CSMD1: variants seen among roughly 807,000 people sequenced by gnomAD.
CSMD1 encodes CUB and sushi domain-containing protein 1.
Under a neutral mutation model 417.5 loss-of-function variants are expected in CSMD1, and 213 were observed. The ratio of observed to expected loss-of-function variants is 0.51; its 90% CI spans 0.46 to 0.57. CSMD1 has a LOEUF of 0.57. Among genes scored for constraint, CSMD1 ranks in the 20% least tolerant of loss-of-function variants. The pLI is 0.00. For missense variants in CSMD1, 6,923 were observed against 4,529.7 expected (o/e 1.53, Z -15.17); for synonymous variants, 2,862 against 1,736.8 (o/e 1.65, Z -16.11).
Position 3,912,945 on chromosome 8 carries a change from G to C in CSMD1, c.818+84958C>G, listed in dbSNP as rs370498636. Among the ~76,000 whole-genome samples, 9 of 152,146 alleles carry C rather than the reference G, an allele frequency of 5.9e-5. No individual in the cohort carries two copies. In the East Asian group the frequency reaches 1.2e-3, roughly 20 times the overall value. ...ATTCAGGTAAGAGAACACAGGGTGT[G>C]AACATGGATTGAGAGGAGTAACCAA... On this transcript the variant is annotated intron_variant, in intron 5 of 69. Transcript: ENST00000635120.
At chr8:3,092,724 A>C (rs770738249) in intron 47 of CSMD1, among the ~76,000 whole-genome samples, 15 of 152,252 alleles carry the variant, frequency 9.9e-5, no homozygotes, top group Admixed American at 6.5e-4. Flanking sequence ...CATTGCCCTC[A>C]TCACCATAAC....
intron 2 of CSMD1, among the ~76,000 whole-genome samples, chr8:4,433,545 T>C (rs1707044805): frequency 6.6e-6 from 1 of 152,148 alleles, no homozygotes; most frequent in African/African-American, 2.4e-5. Flanking sequence ...AAGAAAAACC[T>C]TGTGGAAGCA....
At chr8:3,167,291 G>GAAAAGAAA (rs547453018) in intron 37 of CSMD1, among the ~76,000 whole-genome samples, 5 of 102,638 alleles carry the variant, frequency 4.9e-5, no homozygotes, top group African/African-American at 7.0e-5. Flanking sequence ...CTTGGAAAAA[G>GAAAAGAAA]AAAAAAAAAA....
At chr8:4,119,174 G>C (rs1472909367) in intron 3 of CSMD1, among the ~76,000 whole-genome samples, 2 of 152,042 alleles carry the variant, frequency 1.3e-5, no homozygotes, top group African/African-American at 4.8e-5. Context: ...GGTTTGATAG[G>C]TGCAGCAAAC....
intron 1 of CSMD1, among the ~76,000 whole-genome samples, chr8:4,940,873 T>C (rs1246533086): frequency 6.6e-6 from 1 of 152,232 alleles, no homozygotes; most frequent in Non-Finnish European, 1.5e-5. Context: ...AATTGTTTTT[T>C]CTTCAGGTAA....
intron 5 of CSMD1, among the ~76,000 whole-genome samples, chr8:3,866,051 A>G (rs1805079468): frequency 7.8e-6 from 1 of 128,360 alleles, no homozygotes; most frequent in Non-Finnish European, 1.8e-5. Flanking sequence ...CTTAAAAAGA[A>G]CAAGTAAAAT....
chr8:3,698,294 A>AT (rs1220565333), intron 7 of CSMD1, among the ~76,000 whole-genome samples: 11 of 152,184 alleles, frequency 7.2e-5, no homozygotes, highest in Admixed American at 7.2e-4. Context: ...AATCTACTAC[A>AT]TTTGTTTTAT....
rs773284240 is a variant in CSMD1 at position 4,637,515 on chromosome 8, A to T, written c.129T>A (p.Ile43=). The T allele has an allele frequency of 1.2e-6, 2 of 1,613,896 alleles. No individual in the cohort carries two copies. Among genetic ancestry groups the T allele is most frequent in the Admixed American group, 1.7e-5 (1 of 60,018 alleles). The part of the protein sequence containing the change: ...GGLVQGPNGT[I]ESPGFPHGYP... ...ACCCGTGAGGAAACCCTGGGCTCTC[A>T]ATAGTGCCATTGGGACCCTGGACTA... The change falls in exon 2 of 70, where the codon ATT becomes ATA. Residue 43 remains isoleucine (I), a synonymous_variant. Coordinates refer to ENST00000635120, the MANE Select transcript of CSMD1 (RefSeq NM_033225.6).
intron 37 of CSMD1, among the ~76,000 whole-genome samples, chr8:3,179,904 G>A (rs1821208899): frequency 6.6e-6 from 1 of 152,098 alleles, no homozygotes; most frequent in South Asian, 2.1e-4. Context: ...TAATAAGCAG[G>A]AAAATTTAAC....
chr8:4,639,011 G>A (rs1374722139), intron 1 of CSMD1, among the ~76,000 whole-genome samples: 1 of 152,130 alleles, frequency 6.6e-6, no homozygotes, highest in Non-Finnish European at 1.5e-5. Context: ...TGAAAGAACA[G>A]CTCTGGGAGA....
At chr8:4,239,375 C>T (rs1372296808) in intron 3 of CSMD1, among the ~76,000 whole-genome samples, 1 of 152,162 alleles carries the variant, frequency 6.6e-6, no homozygotes, top group Non-Finnish European at 1.5e-5. Context: ...GCTGTTTTCT[C>T]ATTTGGCCAT....
intron 6 of CSMD1, among the ~76,000 whole-genome samples, chr8:3,713,556 T>G (rs2129041904): frequency 6.6e-6 from 1 of 152,240 alleles, no homozygotes; most frequent in Admixed American, 6.5e-5. Flanking sequence ...TCCACTGAAC[T>G]TCCAAGACCT....
rs7831577 is a variant in CSMD1 at position 4,985,066 on chromosome 8, G to T, written c.85+9266C>A. Among the ~76,000 whole-genome samples the T allele has an allele frequency of 2.2e-3, 339 of 152,160 alleles. 1 individual carries two copies. Among genetic ancestry groups the T allele is most frequent in the African/African-American group, 7.7e-3 (321 of 41,502 alleles). On this transcript the variant is annotated intron_variant, in intron 1 of 69. Transcript: ENST00000635120. Reference sequence around the variant, plus strand: ...ACAAGATCATGTCCTTTGCAGGGACGTGGGTGGAGCTGGAGGCCATTATCC... The same window carrying T: ...ACAAGATCATGTCCTTTGCAGGGACTTGGGTGGAGCTGGAGGCCATTATCC...
At chr8:3,236,153 T>C (rs1004325703) in intron 26 of CSMD1, among the ~76,000 whole-genome samples, 1 of 152,002 alleles carries the variant, frequency 6.6e-6, no homozygotes, top group East Asian at 2.0e-4. Context: ...CTCTTAACCT[T>C]GTGATCTGCC....
intron 1 of CSMD1, among the ~76,000 whole-genome samples, chr8:4,948,431 T>C (rs1352905288): frequency 1.3e-5 from 2 of 150,694 alleles, no homozygotes; most frequent in African/African-American, 4.9e-5. Context: ...TATCTATTCC[T>C]GATTTGTTCT....
At chr8:3,110,374 TG>T (rs2129016028) in intron 42 of CSMD1, 39 bp from the exon 43 acceptor site, 1 of 1,529,544 alleles carries the variant, frequency 6.5e-7, no homozygotes, top group Non-Finnish European at 8.8e-7. Context: ...GCCATACAGC[TG>T]ATTTTAGAGA....
intron 2 of CSMD1, among the ~76,000 whole-genome samples, chr8:4,547,681 G>C (rs775137920): frequency 2.6e-5 from 4 of 152,140 alleles, no homozygotes; most frequent in African/African-American, 9.7e-5. Flanking sequence ...TTCTGTATGA[G>C]AAATGGTAAA....
intron 3 of CSMD1, among the ~76,000 whole-genome samples, chr8:4,077,598 C>G (rs1228743504): frequency 6.6e-6 from 1 of 152,048 alleles, no homozygotes; most frequent in Non-Finnish European, 1.5e-5. Flanking sequence ...CTCCTGCTGT[C>G]ACTTGAACTG....
chr8:4,027,333 G>A (rs60144934), intron 4 of CSMD1, among the ~76,000 whole-genome samples: 4,513 of 152,254 alleles, frequency 0.03, 222 homozygotes, highest in African/African-American at 0.1. Flanking sequence ...TGCTTTGGCT[G>A]TGTCCTCACC....
Sources: allele counts gnomAD v4.1 joint callset (sites outside exome capture counted in the v4.1 genomes callset), GRCh38; gene constraint gnomAD v4.1.1; transcripts MANE v1.5; gene names NCBI Gene and HGNC (gene_info 2026-07-23, HGNC 2026-07-21).